CELF2: variants seen among roughly 807,000 people sequenced by gnomAD.
The protein encoded by CELF2 is CUG triplet repeat RNA-binding protein 2.
Under a neutral mutation model 62.6 loss-of-function variants are expected in CELF2, and 8 were observed. The observed-to-expected ratio is 0.13, with a 90% CI of 0.07 to 0.23. CELF2 has a LOEUF of 0.23. Ranked by LOEUF, CELF2 falls within the 10% of genes least tolerant of loss-of-function variation. The pLI is 1.00. For synonymous variants in CELF2, 258 were observed against 250.0 expected, an observed-to-expected ratio of 1.03 and a Z score of -0.30; for missense variants, 333 against 671.0, an observed-to-expected ratio of 0.50 and a Z score of 5.56.
intron 2 of CELF2, among the ~76,000 whole-genome samples, chr10:10,944,019 A>G (rs994353166): frequency 2.0e-5 from 3 of 152,200 alleles, no homozygotes; most frequent in Non-Finnish European, 4.4e-5. Context: ...ATACTTAACT[A>G]TGAAATAACA....
Position 11,110,974 on chromosome 10 carries a change from G to T in CELF2, c.75-54512G>T, listed in dbSNP as rs1399304271. Among the ~76,000 whole-genome samples, 2 of 152,136 alleles carry T rather than the reference G, an allele frequency of 1.3e-5. No homozygotes were observed. Among genetic ancestry groups the T allele is most frequent in the South Asian group, 2.1e-4 (1 of 4,824 alleles). On this transcript the variant is annotated intron_variant, in intron 1 of 12. Coordinates refer to ENST00000633077, the MANE Select transcript of CELF2 (RefSeq NM_001326342.2). The surrounding 1 kb of genome is among the most constrained non-coding windows in gnomAD (Gnocchi z 4.0). ...CCAGCAAGGCCCTTTTGGGAGAAGGGTTATAAGGTTGGAAGATAATCAGCT... is the reference window on the plus strand; with the variant it reads ...CCAGCAAGGCCCTTTTGGGAGAAGGTTTATAAGGTTGGAAGATAATCAGCT...
chr10:11,250,612 A>G (rs1429234836), intron 4 of CELF2, among the ~76,000 whole-genome samples: 1 of 152,204 alleles, frequency 6.6e-6, no homozygotes, highest in East Asian at 1.9e-4. Flanking sequence ...CACTGAATAG[A>G]AAAAGGAAGA....
chr10:10,532,846 T>A, the CELF2 span, among the ~76,000 whole-genome samples: 3 of 147,496 alleles, frequency 2.0e-5, no homozygotes, highest in Non-Finnish European at 3.0e-5. Flanking sequence ...AGAAAAAAAA[T>A]TAAAGATGAA....
intron 1 of CELF2, among the ~76,000 whole-genome samples, chr10:10,915,933 G>C (rs2064283833): frequency 6.6e-6 from 1 of 152,200 alleles, no homozygotes; most frequent in Non-Finnish European, 1.5e-5. Context: ...ATAAATATTA[G>C]TCAGGAAATA....
chr10:10,528,272 C>T, the CELF2 span, among the ~76,000 whole-genome samples: 13 of 152,048 alleles, frequency 8.5e-5, no homozygotes, highest in African/African-American at 2.9e-4. Flanking sequence ...CCATAAAGAA[C>T]AAAAGGCACA....
intron 1 of CELF2, among the ~76,000 whole-genome samples, chr10:11,133,051 A>G (rs557325834): frequency 5.9e-5 from 9 of 152,360 alleles, no homozygotes; most frequent in African/African-American, 2.2e-4. Flanking sequence ...GTTTGAAAAC[A>G]TAAAACTATA....
chr10:11,198,683 T>C (rs932230629), intron 2 of CELF2, among the ~76,000 whole-genome samples: 10 of 152,230 alleles, frequency 6.6e-5, no homozygotes, highest in African/African-American at 2.4e-4. Flanking sequence ...CAGCCAGCTA[T>C]TGAAGGAGAC....
chr10:11,108,125 G>A (rs2054120612), intron 1 of CELF2, among the ~76,000 whole-genome samples: 1 of 72,564 alleles, frequency 1.4e-5, no homozygotes, highest in Non-Finnish European at 2.3e-5. Flanking sequence ...CTTGCCTTCT[G>A]TAGATGTGCA....
chr10:10,883,312 T>G (rs1248499599), intron 1 of CELF2, among the ~76,000 whole-genome samples: 2 of 152,256 alleles, frequency 1.3e-5, no homozygotes, highest in Non-Finnish European at 2.9e-5. Context: ...AGCTTTAAAA[T>G]TCCTTACATA....
At chr10:11,038,869 A>G (rs940786179) in intron 1 of CELF2, among the ~76,000 whole-genome samples, 6 of 152,214 alleles carry the variant, frequency 3.9e-5, no homozygotes, top group Admixed American at 2.6e-4. Context: ...ATGTTTATTA[A>G]AACCCTTCTG....
the CELF2 span, among the ~76,000 whole-genome samples, chr10:10,576,908 G>C: frequency 1.3e-5 from 2 of 152,170 alleles, no homozygotes; most frequent in Admixed American, 6.5e-5. Context: ...TGAGAGATTT[G>C]CTTTCATTTA....
At chr10:10,981,033 G>T (rs544231127) in intron 2 of CELF2, among the ~76,000 whole-genome samples, 5 of 152,212 alleles carry the variant, frequency 3.3e-5, no homozygotes, top group African/African-American at 1.2e-4. Context: ...AACTGCTAGT[G>T]CAGGGGTCTA....
chr10:11,248,395 A>G (rs924133994), intron 3 of CELF2, among the ~76,000 whole-genome samples: 1 of 152,118 alleles, frequency 6.6e-6, no homozygotes, highest in Non-Finnish European at 1.5e-5. Context: ...TGTACTGGAC[A>G]TGATCAGAAG....
intron 9 of CELF2, among the ~76,000 whole-genome samples, chr10:11,313,433 T>C (rs1203952326): frequency 6.6e-6 from 1 of 152,248 alleles, no homozygotes; most frequent in East Asian, 1.9e-4. Flanking sequence ...ATATTATGAA[T>C]AACTTTATAC....
At chr10:11,040,850 T>C (rs2061719305) in intron 1 of CELF2, among the ~76,000 whole-genome samples, 1 of 152,172 alleles carries the variant, frequency 6.6e-6, no homozygotes, top group Admixed American at 6.5e-5. Context: ...ATTTTTCCAT[T>C]ATTCAGGGCT....
At chr10:11,253,066 C>G (rs2077611841) in intron 4 of CELF2, among the ~76,000 whole-genome samples, 1 of 152,146 alleles carries the variant, frequency 6.6e-6, no homozygotes, top group African/African-American at 2.4e-5. Context: ...CAAGCAGTTG[C>G]TGAAGTTAGG....
the CELF2 span, among the ~76,000 whole-genome samples, chr10:10,480,190 A>G: frequency 1.0e-3 from 156 of 152,352 alleles, no homozygotes; most frequent in Non-Finnish European, 1.9e-3. Context: ...TAACCACAAA[A>G]TATAAAACAG....
chr10:10,952,387 C>T (rs1470687725), intron 2 of CELF2, among the ~76,000 whole-genome samples: 1 of 152,046 alleles, frequency 6.6e-6, no homozygotes, highest in East Asian at 1.9e-4. Context: ...GAGCTACAGT[C>T]GTGCATGGCT....
At chr10:10,493,747 G>A in the CELF2 span, among the ~76,000 whole-genome samples, 1 of 152,062 alleles carries the variant, frequency 6.6e-6, no homozygotes, top group Admixed American at 6.5e-5. Context: ...GGCCAGGCTG[G>A]TCTCAAACTC....
Sources: allele counts gnomAD v4.1 joint callset (sites outside exome capture counted in the v4.1 genomes callset), GRCh38; gene constraint gnomAD v4.1.1; non-coding constraint Gnocchi (gnomAD v3.1); transcripts MANE v1.5; gene names NCBI Gene and HGNC (gene_info 2026-07-23, HGNC 2026-07-21).